RB1: variants seen among roughly 807,000 people sequenced by gnomAD.
RB1 encodes RB transcriptional corepressor 1.
A neutral mutation model predicts 135.4 loss-of-function variants in RB1; 18 were observed. The observed-to-expected ratio is 0.13, with a 90% CI of 0.09 to 0.20. The LOEUF (loss-of-function observed/expected upper bound fraction) is 0.20. RB1 is among the 10% of genes least tolerant of loss of function. The pLI is 1.00. For missense variants in RB1, 868 were observed against 1,110.0 expected (o/e 0.78, Z 3.10); for synonymous variants, 365 against 373.2 (o/e 0.98, Z 0.25).
intron 2 of RB1, among the ~76,000 whole-genome samples, chr13:48,316,037 A>G (rs1323162959): frequency 6.6e-6 from 1 of 152,156 alleles, no homozygotes; most frequent in Non-Finnish European, 1.5e-5. Flanking sequence ...TTCCATATAA[A>G]AAGGGGTTTA....
chr13:48,466,570 C>T (rs1180897043), intron 23 of RB1, among the ~76,000 whole-genome samples: 10 of 152,056 alleles, frequency 6.6e-5, no homozygotes, highest in East Asian at 3.9e-4. Flanking sequence ...ATGACTTTGA[C>T]GAGCTGAGAG....
chr13:48,328,089 T>C (rs531423728), intron 2 of RB1: 1 of 858,964 alleles, frequency 1.2e-6, no homozygotes, highest in African/African-American at 1.7e-5. Context: ...TTAATTGTCT[T>C]GGTCATAGAC....
chr13:48,410,932 CTT>C (rs923663761), intron 17 of RB1: 7 of 152,232 alleles, frequency 4.6e-5, no homozygotes, highest in African/African-American at 1.4e-4. Flanking sequence ...TCAAATTACT[CTT>C]CTTTCTCATT....
chr13:48,321,770 G>A (rs952345042), intron 2 of RB1, among the ~76,000 whole-genome samples: 1 of 152,076 alleles, frequency 6.6e-6, no homozygotes, highest in Non-Finnish European at 1.5e-5. Context: ...GCAGGAGAAT[G>A]ACATGAACCC....
Position 48,376,057 on chromosome 13 carries a change from G to T in RB1, c.1216-861G>T, listed in dbSNP as rs117794575. On this transcript the variant is annotated intron_variant, in intron 12 of 26. Transcript: ENST00000267163. ...AATATGCATTTTAATACATCATCTT[G>T]TGATGTGTTTTAATTATTAAAGTTG... Among the ~76,000 whole-genome samples, 845 of 151,898 alleles carry T rather than the reference G, an allele frequency of 5.6e-3. 5 individuals carry two copies. Among genetic ancestry groups the T allele is most frequent in the Middle Eastern group, 0.01 (3 of 290 alleles).
chr13:48,335,414 T>C (rs1467995283), intron 2 of RB1, among the ~76,000 whole-genome samples: 13 of 152,132 alleles, frequency 8.5e-5, no homozygotes, highest in Admixed American at 5.2e-4. Flanking sequence ...TTATGGGACA[T>C]ATGAAATGCC....
rs12430383 is a variant in RB1 at position 48,315,837 on chromosome 13, C to T, written c.264+8431C>T. On this transcript the variant is annotated intron_variant, in intron 2 of 26. Transcript: ENST00000267163. ...TGCAGGTTTCTTTTTGATATTATGA[C>T]TTCTTTTATTTTGGGTAGATACCCA... is the stretch of plus-strand genomic sequence containing the variant. Among the ~76,000 whole-genome samples, 293 of 152,198 alleles carry T rather than the reference C, an allele frequency of 1.9e-3. 3 individuals are homozygous for T. The highest frequency in any genetic ancestry group is 3.4e-3 in the Middle Eastern group (1 of 294).
chr13:48,434,172 C>T (rs1000810207), intron 17 of RB1, among the ~76,000 whole-genome samples: 2 of 151,758 alleles, frequency 1.3e-5, no homozygotes. Context: ...ATGAGCCAGG[C>T]CTGGTGGCTC....
intron 17 of RB1, chr13:48,429,264 G>A (rs1414449199): frequency 6.6e-6 from 1 of 152,202 alleles, no homozygotes; most frequent in Non-Finnish European, 1.5e-5. Flanking sequence ...AAACTAGAAA[G>A]GATTGCTAGG....
At chr13:48,430,556 G>A (rs1259193137) in intron 17 of RB1, among the ~76,000 whole-genome samples, 5 of 152,000 alleles carry the variant, frequency 3.3e-5, no homozygotes, top group Admixed American at 1.3e-4. Context: ...CCTAGCTAAC[G>A]TGGTGAAACC....
At chr13:48,324,017 C>G (rs1484591667) in intron 2 of RB1, among the ~76,000 whole-genome samples, 1 of 151,590 alleles carries the variant, frequency 6.6e-6, no homozygotes, top group Non-Finnish European at 1.5e-5. Context: ...TAATAAAGAG[C>G]GGATCTCTGT....
intron 17 of RB1, among the ~76,000 whole-genome samples, chr13:48,441,172 C>T (rs1949232718): frequency 6.6e-6 from 1 of 152,106 alleles, no homozygotes; most frequent in Non-Finnish European, 1.5e-5. Flanking sequence ...TGATATCTGG[C>T]GGAGGCCTGT....
chr13:48,445,062 G>A (rs1949275300), intron 17 of RB1: 1 of 151,672 alleles, frequency 6.6e-6, no homozygotes, highest in Non-Finnish European at 1.5e-5. Context: ...AAAGTTGTTT[G>A]CTGTCTGGAG....
chr13:48,320,473 A>G (rs1952225021), intron 2 of RB1: 1 of 795,498 alleles, frequency 1.3e-6, no homozygotes, highest in Non-Finnish European at 2.1e-6. Context: ...CCTGAGAAAC[A>G]TTCTAGCAGA....
At chr13:48,321,341 T>C (rs1392261271) in intron 2 of RB1, among the ~76,000 whole-genome samples, 1 of 111,470 alleles carries the variant, frequency 9.0e-6, no homozygotes, top group Non-Finnish European at 1.8e-5. Flanking sequence ...CCTGTCCACC[T>C]CGGCTCCCGC....
chr13:48,335,672 T>C (rs371454291), intron 2 of RB1, among the ~76,000 whole-genome samples: 1 of 151,852 alleles, frequency 6.6e-6, no homozygotes, highest in Non-Finnish European at 1.5e-5. Context: ...TTGGTGTGTG[T>C]GGGGGAATTG....
At chr13:48,345,752 G>A (rs980844349) in intron 4 of RB1, among the ~76,000 whole-genome samples, 1 of 152,112 alleles carries the variant, frequency 6.6e-6, no homozygotes, top group Non-Finnish European at 1.5e-5. Flanking sequence ...TTTGGCATAT[G>A]TCTGTTATCA....
At chr13:48,452,115 T>G (rs1053027869) in intron 17 of RB1, among the ~76,000 whole-genome samples, 1 of 152,130 alleles carries the variant, frequency 6.6e-6, no homozygotes, top group African/African-American at 2.4e-5. Context: ...CCTTCAGTTC[T>G]GCTCTGATCT....
chr13:48,356,283 G>A (rs914280393), intron 6 of RB1, among the ~76,000 whole-genome samples: 11 of 152,088 alleles, frequency 7.2e-5, no homozygotes, highest in African/African-American at 2.6e-4. Context: ...GGGTAGTTGA[G>A]TGCATTCACG....
Sources: gnomAD v4.1 joint callset for allele counts (sites outside exome capture counted in the v4.1 genomes callset) on GRCh38, gnomAD v4.1.1 for gene constraint, MANE v1.5 for transcripts, NCBI Gene and HGNC (gene_info 2026-07-23, HGNC 2026-07-21) for gene names.